PCDHGA8: variants seen among roughly 807,000 people sequenced by gnomAD.
The protein encoded by PCDHGA8 is protocadherin gamma-A8.
PCDHGA8 carries 45 observed loss-of-function variants against 59.2 expected under a neutral mutation model. The observed-to-expected ratio is 0.76, with a 90% CI of 0.60 to 0.98. The LOEUF (loss-of-function observed/expected upper bound fraction) is 0.98. Among genes scored for constraint, PCDHGA8 ranks in the 50% least tolerant of loss-of-function variants. The pLI is 0.00. For synonymous variants in PCDHGA8, 531 were observed against 519.0 expected, an observed-to-expected ratio of 1.02 and a Z score of -0.32; for missense variants, 1,257 against 1,196.2, an observed-to-expected ratio of 1.05 and a Z score of -0.75.
chr5:141,394,955 C>A lies in PCDHGA8; in HGVS notation c.2142C>A (p.Leu714=), dbSNP rs2093135329. ...FLAFVAVLLG[L]RLRRWHKSRL... ...CCTTTGTCGCTGTGCTTCTGGGGCTCAGGCTGAGGCGCTGGCACAAGTCAC... is the reference window on the plus strand; with the variant it reads ...CCTTTGTCGCTGTGCTTCTGGGGCTAAGGCTGAGGCGCTGGCACAAGTCAC... The change falls in exon 1 of 4, where the codon CTC becomes CTA. Residue 714 remains leucine (L), a synonymous_variant. Coordinates refer to ENST00000398604, the MANE Select transcript of PCDHGA8 (RefSeq NM_032088.2). The A allele has an allele frequency of 6.8e-6, 11 of 1,613,878 alleles. No homozygotes were observed. Among genetic ancestry groups the A allele is most frequent in the Non-Finnish European group, 8.5e-6 (10 of 1,179,874 alleles).
Position 141,489,784 on chromosome 5 carries a change from G to A in PCDHGA8, c.2425-5023G>A. 1 of 1,614,218 alleles carries A rather than the reference G, an allele frequency of 6.2e-7. No individual in the cohort carries two copies. Among genetic ancestry groups the A allele is most frequent in the Non-Finnish European group, 8.5e-7 (1 of 1,180,010 alleles). On this transcript the variant is annotated intron_variant, in intron 1 of 3. Transcript: ENST00000398604. This position sits in a 1 kb window ranked among gnomAD's most constrained non-coding sequence, Gnocchi z 4.5. ...CCCCAACAGCCACTTCTCTCTGAAT[G>A]TGAAGACCCTAAAAGATGGGAAGCC...
Position 141,393,162 on chromosome 5 carries a change from T to C in PCDHGA8, c.349T>C (p.Phe117Leu), listed in dbSNP as rs771570808. Residue 117 changes from phenylalanine (F) to leucine (L), a missense_variant, in exon 1 of 4, where the codon TTT becomes CTT. Coordinates refer to ENST00000398604, the MANE Select transcript of PCDHGA8 (RefSeq NM_032088.2). ...CCTGGTTGAGGATAAAGGAAAACTC[T>C]TTGGGGTAGAAATAGAAATAATTGA... ...NTLVEDKGKL[F>L]GVEIEIIDIN... is the part of the protein sequence containing the mutation. 3.1e-6 allele frequency: 5 copies of C among 1,613,142 alleles called. No homozygotes were observed. Among genetic ancestry groups the C allele is most frequent in the Admixed American group, 1.7e-5 (1 of 60,008 alleles).
intron 2 of PCDHGA8, among the ~76,000 whole-genome samples, chr5:141,498,068 A>G (rs765582921): frequency 6.6e-6 from 1 of 152,244 alleles, no homozygotes; most frequent in Non-Finnish European, 1.5e-5. Context: ...TGAAACTGTC[A>G]TAAGTGCTAG....
At chr5:141,438,985 A>G (rs1461265086) in intron 1 of PCDHGA8, among the ~76,000 whole-genome samples, 1 of 151,940 alleles carries the variant, frequency 6.6e-6, no homozygotes, top group Non-Finnish European at 1.5e-5. Context: ...ACTTATCTTA[A>G]AAGGCTAAGG....
At position 141,485,971 on chromosome 5, in the gene PCDHGA8, C is replaced by T; in HGVS notation, c.2425-8836C>T. On this transcript the variant is annotated intron_variant, in intron 1 of 3. Transcript: ENST00000398604. This position sits in a 1 kb window ranked among gnomAD's most constrained non-coding sequence, Gnocchi z 5.7. Reference sequence around the variant, plus strand: ...GCATGGTGCTCATCCAGCTCAATGCCTCAGACCCGGACCTGGGTCCCAGTG... The same window carrying T: ...GCATGGTGCTCATCCAGCTCAATGCTTCAGACCCGGACCTGGGTCCCAGTG... The T allele has an allele frequency of 6.2e-7, 1 of 1,614,196 alleles. No individual in the cohort carries two copies. The highest frequency in any genetic ancestry group is 8.5e-7 in the Non-Finnish European group (1 of 1,180,042).
At chr5:141,419,644 C>T (rs867285747) in intron 1 of PCDHGA8, 1 of 1,612,514 alleles carries the variant, frequency 6.2e-7, no homozygotes, top group Middle Eastern at 1.7e-4. Context: ...TGGCCGTGGA[C>T]GCGGACTCGG....
rs951029522 is a variant in PCDHGA8, at chr5:141,487,944, G to A, written c.2425-6863G>A. 6.6e-6 allele frequency among the ~76,000 whole-genome samples: 1 copy of A among 152,164 alleles called. No homozygotes were observed. Among genetic ancestry groups the A allele is most frequent in the Admixed American group, 6.5e-5 (1 of 15,282 alleles). On this transcript the variant is annotated intron_variant, in intron 1 of 3. Transcript: ENST00000398604. The surrounding 1 kb of genome is among the most constrained non-coding windows in gnomAD (Gnocchi z 5.0). ...ACAGTGCACAGGGTACAGTGCACCA[G>A]GCAGTCACTTGGACAAAGGTGGCTG...
chr5:141,393,406 G>A lies in PCDHGA8; in HGVS notation c.593G>A (p.Arg198His), dbSNP rs762034418. ...GAINPELVLE[R>H]ALDREEEAAH... ...ATAAACCCAGAGCTGGTGCTGGAGC[G>A]CGCCCTGGACAGGGAGGAAGAGGCT... The change falls in exon 1 of 4, where the codon CGC (arginine) becomes CAC (histidine). Residue 198 changes from arginine to histidine, a missense_variant. Arg to His is a conservative substitution (Grantham distance 29). Transcript: ENST00000398604. 6.2e-7 allele frequency: 1 copy of A among 1,614,026 alleles called. No homozygotes were observed. Among genetic ancestry groups the A allele is most frequent in the Admixed American group, 1.7e-5 (1 of 60,028 alleles).
chr5:141,397,846 A>G (rs1032127108), intron 1 of PCDHGA8: 3 of 528,344 alleles, frequency 5.7e-6, no homozygotes, highest in Non-Finnish European at 9.9e-6. Flanking sequence ...GAAGCCGCAG[A>G]GGCTGTAGTT....
At chr5:141,400,192 G>A (rs1411721247) in intron 1 of PCDHGA8, 1 of 1,614,088 alleles carries the variant, frequency 6.2e-7, no homozygotes, top group South Asian at 1.1e-5. Context: ...GTTTTACCTA[G>A]TGGTGGCCTT....
At chr5:141,400,301 C>T in intron 1 of PCDHGA8, 3 of 1,614,084 alleles carry the variant, frequency 1.9e-6, no homozygotes, top group Non-Finnish European at 2.5e-6. Flanking sequence ...TGCTTCCAAC[C>T]TGGTCTCTGT....
chr5:141,418,819 A>T (rs1285247926), intron 1 of PCDHGA8: 1 of 1,613,868 alleles, frequency 6.2e-7, no homozygotes, highest in African/African-American at 1.3e-5. Context: ...TAAACATAGA[A>T]GCAAAAGACC....
In PCDHGA8 at chr5:141,399,542, C is replaced by T. The variant is rs761214012; in HGVS notation, c.2424+4305C>T. The T allele has an allele frequency of 5.6e-6, 9 of 1,614,046 alleles. No homozygotes were observed. The South Asian group carries it at 8.8e-5, about 16-fold the overall frequency. On this transcript the variant is annotated intron_variant, in intron 1 of 3. Transcript: ENST00000398604. ...GGGGCCTCCATCGCGCAAGTCTGCGCCTCGGACCTGGACTTGGGGTTGAAC... is the reference window on the plus strand; with the variant it reads ...GGGGCCTCCATCGCGCAAGTCTGCGTCTCGGACCTGGACTTGGGGTTGAAC...
chr5:141,397,809 A>G lies in PCDHGA8; in HGVS notation c.2424+2572A>G, dbSNP rs116170608. Among the ~76,000 whole-genome samples, 1,507 of 152,354 alleles carry G rather than the reference A, an allele frequency of 9.9e-3. 33 individuals carry two copies. Among genetic ancestry groups the G allele is most frequent in the African/African-American group, 0.034 (1,415 of 41,586 alleles). ...ACTTGGCTTGTTAAGTTAGGCACACAAAAACAATTACTGCACTGGTTAACT... is the reference window on the plus strand; with the variant it reads ...ACTTGGCTTGTTAAGTTAGGCACACGAAAACAATTACTGCACTGGTTAACT... On this transcript the variant is annotated intron_variant, in intron 1 of 3. Coordinates refer to ENST00000398604, the MANE Select transcript of PCDHGA8 (RefSeq NM_032088.2).
At chr5:141,419,088 T>C in intron 1 of PCDHGA8, 3 of 1,613,940 alleles carry the variant, frequency 1.9e-6, no homozygotes, top group Non-Finnish European at 2.5e-6. Context: ...GATGAGGCCC[T>C]GGATCGGGAG....
chr5:141,474,105 C>A (rs1292743515), intron 1 of PCDHGA8, among the ~76,000 whole-genome samples: 1 of 152,036 alleles, frequency 6.6e-6, no homozygotes, highest in African/African-American at 2.4e-5. Flanking sequence ...ACAACAAAAA[C>A]AACAACAACG....
intron 2 of PCDHGA8, among the ~76,000 whole-genome samples, chr5:141,499,015 AG>A (rs2099788530): frequency 6.6e-6 from 1 of 151,284 alleles, no homozygotes; most frequent in Non-Finnish European, 1.5e-5. Context: ...GAAGGAAGGA[AG>A]GAAGGAAGGA....
At chr5:141,404,769 A>C (rs528627644) in intron 1 of PCDHGA8, 1 of 1,611,124 alleles carries the variant, frequency 6.2e-7, no homozygotes, top group South Asian at 1.1e-5. Context: ...TGGCTCTCCT[A>C]CCGCCTATTC....
intron 1 of PCDHGA8, chr5:141,409,837 C>T (rs182654621): frequency 2.2e-5 from 36 of 1,611,350 alleles, no homozygotes; most frequent in Non-Finnish European, 2.9e-5. Context: ...TCAGCGCCAA[C>T]GTGAGCCTGC....
Sources: allele counts gnomAD v4.1 joint callset (sites outside exome capture counted in the v4.1 genomes callset), GRCh38; gene constraint gnomAD v4.1.1; non-coding constraint Gnocchi (gnomAD v3.1); transcripts MANE v1.5; gene names NCBI Gene and HGNC (gene_info 2026-07-23, HGNC 2026-07-21).